Variants in KCNN2 observed in about 807,000 individuals in gnomAD.
KCNN2 encodes potassium calcium-activated channel subfamily N member 2.
In KCNN2, 24 loss-of-function variants were observed where a neutral mutation model predicts 55.5. The ratio of observed to expected loss-of-function variants is 0.43; its 90% CI spans 0.31 to 0.61. KCNN2 has a LOEUF of 0.61. Among genes scored for constraint, KCNN2 ranks in the 20% least tolerant of loss-of-function variants. The pLI, the probability that KCNN2 is intolerant of heterozygous loss-of-function variation, is 0.08. For synonymous variants in KCNN2, 431 were observed against 336.1 expected (o/e 1.28, Z -3.09); for missense variants, 754 against 853.6 (o/e 0.88, Z 1.45).
intron 2 of KCNN2, among the ~76,000 whole-genome samples, chr5:114,385,526 C>T (rs947428783): frequency 6.8e-6 from 1 of 146,938 alleles, no homozygotes; most frequent in Non-Finnish European, 1.5e-5. Flanking sequence ...CGCGCACACA[C>T]ACACACACAC....
At position 114,362,717 on chromosome 5, in the gene KCNN2, A is replaced by G; in HGVS notation, c.578A>G (p.His193Arg). Residue 193 changes from histidine (H) to arginine (R), a missense_variant, in exon 1 of 8, where the codon CAC (histidine) becomes CGC (arginine). Physicochemically the swap from His to Arg is conservative, Grantham distance 29. This residue lies in a region of KCNN2 where 381 missense variants were observed against 259.1 expected (regional missense o/e 1.47). Transcript: ENST00000673685. ...CACCACCACCACCCGCACCCGGCGC[A>G]CCACCAGCACCACCAGCCCCAGGCG... ...SHHHHHPHPA[H>R]HQHHQPQARR... 6.6e-7 allele frequency: 1 copy of G among 1,503,934 alleles called. No homozygotes were observed. The highest frequency in any genetic ancestry group is 8.8e-7 in the Non-Finnish European group (1 of 1,135,318). 93.2% of individuals were successfully genotyped at this position (1,503,934 alleles called of 1,614,324 possible).
intron 1 of KCNN2, among the ~76,000 whole-genome samples, chr5:114,207,650 A>G (rs968231656): frequency 2.0e-5 from 3 of 152,192 alleles, no homozygotes; most frequent in Admixed American, 6.5e-5. Context: ...AAGAAAGGCA[A>G]TCGAGACCAT....
At chr5:114,368,392 A>G (rs1192313778) in intron 2 of KCNN2, among the ~76,000 whole-genome samples, 11 of 152,194 alleles carry the variant, frequency 7.2e-5, no homozygotes, top group African/African-American at 4.8e-5. Flanking sequence ...TAATCGGAAG[A>G]ACAGTAATGA....
chr5:114,100,911 GTTACA>G (rs1267004061), intron 1 of KCNN2, among the ~76,000 whole-genome samples: 2 of 151,726 alleles, frequency 1.3e-5, no homozygotes, highest in African/African-American at 2.4e-5. Context: ...TAAGTCCATA[GTTACA>G]TTACATTTTA....
chr5:114,449,908 A>ACACACACGCACGCG (rs1309590184), intron 3 of KCNN2, among the ~76,000 whole-genome samples: 2 of 66,120 alleles, frequency 3.0e-5, no homozygotes, highest in Admixed American at 2.1e-4. Context: ...ACACACACAC[A>ACACACACGCACGCG]CGCGCGCGCT....
chr5:114,298,922 C>A (rs920900195), intron 2 of KCNN2, among the ~76,000 whole-genome samples: 1 of 152,028 alleles, frequency 6.6e-6, no homozygotes, highest in African/African-American at 2.4e-5. Flanking sequence ...CAAATTTGAT[C>A]ACTATCAGTA....
intron 2 of KCNN2, among the ~76,000 whole-genome samples, chr5:114,255,642 G>A (rs1401141805): frequency 6.6e-6 from 1 of 152,134 alleles, no homozygotes; most frequent in Non-Finnish European, 1.5e-5. Flanking sequence ...TCAGATTTTT[G>A]TTATGAAATG....
chr5:114,162,687 A>T (rs1354160466), intron 1 of KCNN2, among the ~76,000 whole-genome samples: 6 of 152,224 alleles, frequency 3.9e-5, no homozygotes, highest in African/African-American at 1.4e-4. Flanking sequence ...TTACCTGCTG[A>T]AGCCTCAGCA....
chr5:114,146,225 A>G (rs956349878), intron 1 of KCNN2, among the ~76,000 whole-genome samples: 19 of 152,174 alleles, frequency 1.2e-4, no homozygotes, highest in Non-Finnish European at 2.2e-4. Context: ...TAGGAATATT[A>G]AGAAAATTTA....
chr5:114,184,257 A>G (rs1753288990), intron 1 of KCNN2, among the ~76,000 whole-genome samples: 1 of 152,206 alleles, frequency 6.6e-6, no homozygotes, highest in Non-Finnish European at 1.5e-5. Context: ...GGACTGCCCT[A>G]CAGCACTGGA....
In KCNN2 at chr5:114,462,936, A is replaced by G. The variant is rs747164599; in HGVS notation, c.1638-113A>G. On this transcript the variant is annotated intron_variant, in intron 3 of 7. Transcript: ENST00000673685. Reference sequence around the variant, plus strand: ...ATATTCACAAGCTTTGAAAACTTCTAAATATAGCAGTTTATAGAAGATACA... The same window carrying G: ...ATATTCACAAGCTTTGAAAACTTCTGAATATAGCAGTTTATAGAAGATACA... The G allele has an allele frequency of 1.8e-4, 183 of 1,004,498 alleles. 1 individual carries two copies. In the Middle Eastern group the frequency reaches 5.7e-3, roughly 31 times the overall value. 62.2% of individuals were successfully genotyped at this position (1,004,498 alleles called of 1,614,324 possible). A position where few individuals can be genotyped will look rare whatever the true frequency, so the allele number is the denominator to read the frequency against.
rs370957937 is a variant in KCNN2 at position 114,143,549 on chromosome 5, C to T, written c.-270-77931C>T. The stretch of plus-strand genomic sequence containing the variant: ...TCCCTATGAACAGGTGCCCCTCGTG[C>T]GTCCATTTATAGGCTCTCCACAAGG... On this transcript the variant is annotated intron_variant, in intron 1 of 10. Coordinates refer to the KCNN2 transcript ENST00000512097. 3.2e-4 allele frequency among the ~76,000 whole-genome samples: 49 copies of T among 152,244 alleles called. 1 individual carries two copies. The Middle Eastern group carries it at 0.01, about 32-fold the overall frequency.
chr5:114,299,903 T>C (rs1459186973), intron 2 of KCNN2, among the ~76,000 whole-genome samples: 1 of 152,174 alleles, frequency 6.6e-6, no homozygotes, highest in Non-Finnish European at 1.5e-5. Context: ...CACAGGGTCA[T>C]GTTGAAAATA....
chr5:114,285,599 A>G (rs1043111136), intron 2 of KCNN2, among the ~76,000 whole-genome samples: 1 of 152,192 alleles, frequency 6.6e-6, no homozygotes, highest in Non-Finnish European at 1.5e-5. Context: ...TGGTATTTGT[A>G]GAGCTTTTAA....
At chr5:114,482,964 C>T (rs1580912412) in intron 5 of KCNN2, among the ~76,000 whole-genome samples, 1 of 151,868 alleles carries the variant, frequency 6.6e-6, no homozygotes, top group East Asian at 1.9e-4. Context: ...ATGATCTGTG[C>T]AGCAAACCAC....
chr5:114,191,127 T>C (rs1266433659), intron 1 of KCNN2, among the ~76,000 whole-genome samples: 1 of 152,176 alleles, frequency 6.6e-6, no homozygotes. Flanking sequence ...GGCCACACTA[T>C]AAATTGTATG....
intron 3 of KCNN2, among the ~76,000 whole-genome samples, chr5:114,417,797 A>G (rs1165189937): frequency 6.6e-6 from 1 of 152,184 alleles, no homozygotes; most frequent in Non-Finnish European, 1.5e-5. Flanking sequence ...TGCTTATGGT[A>G]TTCTATACCA....
intron 1 of KCNN2, among the ~76,000 whole-genome samples, chr5:114,089,791 G>A (rs1751098578): frequency 6.6e-6 from 1 of 152,164 alleles, no homozygotes; most frequent in Non-Finnish European, 1.5e-5. Context: ...GGCACATAAT[G>A]TGGGTTAAAC....
At chr5:114,389,140 A>T (rs73782222) in intron 2 of KCNN2, among the ~76,000 whole-genome samples, 1 of 151,768 alleles carries the variant, frequency 6.6e-6, no homozygotes, top group African/African-American at 2.4e-5. Flanking sequence ...CTCTCTGTCA[A>T]TACTTGCTGC....
Sources: gnomAD v4.1 joint callset for allele counts (sites outside exome capture counted in the v4.1 genomes callset) on GRCh38, gnomAD v4.1.1 for gene constraint, gnomAD v4.1.1 regional missense constraint, MANE v1.5 for transcripts, NCBI Gene and HGNC (gene_info 2026-07-23, HGNC 2026-07-21) for gene names.